Variants in SERPINA12 observed in about 807,000 individuals in gnomAD.
SERPINA12 encodes the protein serpin A12.
In SERPINA12, 21 loss-of-function variants were observed where a neutral mutation model predicts 25.9. The ratio of observed to expected loss-of-function variants is 0.81; its 90% confidence interval spans 0.58 to 1.17. The LOEUF is 1.17. SERPINA12 is among the 50% of genes most tolerant of loss of function. The pLI is 0.00. For synonymous variants in SERPINA12, 220 were observed against 196.0 expected, an observed-to-expected ratio of 1.12 and a Z score of -1.02; for missense variants, 562 against 508.3, an observed-to-expected ratio of 1.11 and a Z score of -1.02.
At chr14:94,509,475 G>A (rs1052807553), upstream of SERPINA12, among the ~76,000 whole-genome samples, 1 of 151,940 alleles carries the variant, frequency 6.6e-6, no homozygotes, top group Non-Finnish European at 1.5e-5. Flanking sequence ...GTTCCTCTAG[G>A]CTCCCAGCCC....
At chr14:94,502,861 C>T (rs957635072) in intron 1 of SERPINA12, among the ~76,000 whole-genome samples, 1 of 152,138 alleles carries the variant, frequency 6.6e-6, no homozygotes, top group East Asian at 1.9e-4. Context: ...ACCAGACACC[C>T]CTTCCTGCCC....
Position 94,496,365 on chromosome 14 carries a change from C to A in SERPINA12, c.905+8G>T. On this transcript the variant is annotated splice_region_variant and intron_variant, in intron 3 of 4. Transcript: ENST00000677451. ...GAAAAAGCTGCGAGGGCTAGGCACCCACTTTACCTGCGTGACAGTAATGTT... is the reference window on the plus strand; with the variant it reads ...GAAAAAGCTGCGAGGGCTAGGCACCAACTTTACCTGCGTGACAGTAATGTT... The A allele has an allele frequency of 6.2e-7, 1 of 1,614,102 alleles. No individual in the cohort carries two copies. Among genetic ancestry groups the A allele is most frequent in the Admixed American group, 1.7e-5 (1 of 60,018 alleles).
At chr14:94,493,244 T>C (rs1031557223) in intron 3 of SERPINA12, among the ~76,000 whole-genome samples, 6 of 152,194 alleles carry the variant, frequency 3.9e-5, no homozygotes, top group Admixed American at 1.3e-4. Context: ...TAGGAATGTT[T>C]GTTCCTATCA....
At chr14:94,490,088 G>GCCTGAGC (rs1253471386) in intron 3 of SERPINA12, among the ~76,000 whole-genome samples, 2 of 152,108 alleles carry the variant, frequency 1.3e-5, no homozygotes, top group Non-Finnish European at 2.9e-5. Context: ...TCGCTGCCAT[G>GCCTGAGC]CCTGAGCCCT....
chr14:94,488,834 C>A (rs1000006577), intron 4 of SERPINA12, among the ~76,000 whole-genome samples: 2 of 152,184 alleles, frequency 1.3e-5, no homozygotes, highest in African/African-American at 4.8e-5. Flanking sequence ...GTGGCTCACG[C>A]CTGTAATCCC....
intron 1 of SERPINA12, among the ~76,000 whole-genome samples, chr14:94,508,469 G>A (rs953860284): frequency 2.6e-5 from 4 of 151,928 alleles, no homozygotes; most frequent in African/African-American, 9.7e-5. Context: ...CAGAACATTC[G>A]AGAAAAGGTG....
chr14:94,509,933 A>C, upstream of SERPINA12: 2 of 969,922 alleles, frequency 2.1e-6, no homozygotes, highest in Non-Finnish European at 2.5e-6. Flanking sequence ...GCACCCTGGC[A>C]CTGCTATAGA....
At chr14:94,508,754 T>G (rs1901018834) in intron 1 of SERPINA12, among the ~76,000 whole-genome samples, 1 of 152,224 alleles carries the variant, frequency 6.6e-6, no homozygotes, top group Non-Finnish European at 1.5e-5. Context: ...AGAGTTCTTA[T>G]ATATATCAAT....
intron 2 of SERPINA12, among the ~76,000 whole-genome samples, chr14:94,515,348 C>T (rs1901206144): frequency 1.3e-5 from 2 of 152,088 alleles, no homozygotes; most frequent in African/African-American, 2.4e-5. Context: ...GGCCATAAAA[C>T]GGGAGGAACC....
chr14:94,498,759 C>T (rs1900583987), intron 1 of SERPINA12, among the ~76,000 whole-genome samples: 1 of 152,174 alleles, frequency 6.6e-6, no homozygotes, highest in East Asian at 1.9e-4. Flanking sequence ...AGGCATATGG[C>T]CCAGACCTAC....
At chr14:94,496,876 A>G (rs932329749) in intron 2 of SERPINA12, among the ~76,000 whole-genome samples, 2 of 152,178 alleles carry the variant, frequency 1.3e-5, no homozygotes, top group Non-Finnish European at 2.9e-5. Flanking sequence ...AAGAGGGGAA[A>G]AGAAGACTAC....
rs758037795 is a variant in SERPINA12, at chr14:94,496,670, A to G, written c.635-27T>C. Reference sequence around the variant, plus strand: ...TTAGATTGAAGAAAGACAAACAGACATGTTATCCCAAGGGAAAAAAGGTGA... The same window carrying G: ...TTAGATTGAAGAAAGACAAACAGACGTGTTATCCCAAGGGAAAAAAGGTGA... On this transcript the variant is annotated intron_variant, in intron 2 of 4. Coordinates refer to ENST00000677451, the MANE Select transcript of SERPINA12 (RefSeq NM_001382267.1). 9 of 1,606,956 alleles carry G rather than the reference A, an allele frequency of 5.6e-6. No individual in the cohort carries two copies. In the South Asian group the frequency reaches 8.9e-5, roughly 16 times the overall value.
At chr14:94,513,952 C>T (rs1040124670), upstream of SERPINA12, among the ~76,000 whole-genome samples, 2 of 152,296 alleles carry the variant, frequency 1.3e-5, no homozygotes, top group East Asian at 3.9e-4. Context: ...GGGGACCTCA[C>T]AGTCCGAGAA....
At chr14:94,500,413 A>T (rs916146160) in intron 1 of SERPINA12, among the ~76,000 whole-genome samples, 1 of 152,016 alleles carries the variant, frequency 6.6e-6, no homozygotes, top group Non-Finnish European at 1.5e-5. Context: ...TCAGGGACAC[A>T]AGCCCCTCCC....
chr14:94,514,535 G>A (rs947850378), intron 2 of SERPINA12, among the ~76,000 whole-genome samples: 5 of 152,236 alleles, frequency 3.3e-5, no homozygotes, highest in African/African-American at 7.2e-5. Flanking sequence ...GGCTGGGGTC[G>A]GGTGGGGACC....
At chr14:94,499,819 C>T (rs1157413015) in intron 1 of SERPINA12, among the ~76,000 whole-genome samples, 2 of 152,188 alleles carry the variant, frequency 1.3e-5, no homozygotes, top group African/African-American at 4.8e-5. Flanking sequence ...GGAGGGCTCT[C>T]CAGGCTGGCC....
rs549507451 is a variant in SERPINA12 at position 94,492,712 on chromosome 14, A to G, written c.906-2945T>C. ...GCCAACGTGGGAAGGCACTAAGTGC[A>G]GCTGTGCTGACAGGTGAGTGCATAT... is the stretch of plus-strand genomic sequence containing the variant. On this transcript the variant is annotated intron_variant, in intron 3 of 4. Transcript: ENST00000677451. Among the ~76,000 whole-genome samples the G allele has an allele frequency of 2.0e-5, 3 of 152,344 alleles. No homozygotes were observed. In the East Asian group the frequency reaches 5.8e-4, roughly 29 times the overall value.
Position 94,498,123 on chromosome 14 carries a change from T to C in SERPINA12, c.275A>G (p.Asp92Gly). 1 of 1,614,104 alleles carries C rather than the reference T, an allele frequency of 6.2e-7. No homozygotes were observed. The highest frequency in any genetic ancestry group is 8.5e-7 in the Non-Finnish European group (1 of 1,180,018). The change falls in exon 2 of 5, where the codon GAC becomes GGC. Residue 92 changes from aspartate to glycine, a missense_variant. Coordinates refer to ENST00000677451, the MANE Select transcript of SERPINA12 (RefSeq NM_001382267.1). ...CTGCTTGATCTCGTCCAGGGTGCTGTCCTGGGCACCCAGGCACAGCATGGA... is the reference window on the plus strand; with the variant it reads ...CTGCTTGATCTCGTCCAGGGTGCTGCCCTGGGCACCCAGGCACAGCATGGA... The part of the protein sequence containing the change: ...AFSMLCLGAQ[D>G]STLDEIKQGF...
intron 1 of SERPINA12, 26 bp from the exon 2 acceptor site, chr14:94,498,456 T>C (rs1900569398): frequency 6.5e-7 from 1 of 1,548,014 alleles, no homozygotes; most frequent in African/African-American, 1.4e-5. Flanking sequence ...AAAAAGAACA[T>C]GATAACCCCA....
Sources: gnomAD v4.1 joint callset for allele counts (sites outside exome capture counted in the v4.1 genomes callset) on GRCh38, gnomAD v4.1.1 for gene constraint, MANE v1.5 for transcripts, NCBI Gene and HGNC (gene_info 2026-07-23, HGNC 2026-07-21) for gene names.